The following ARHGEF10 variants were observed in gnomAD, a reference collection of about 807,000 sequenced individuals.
ARHGEF10 encodes Rho guanine nucleotide exchange factor (GEF) 10.
In ARHGEF10, 140 loss-of-function variants were observed where a neutral mutation model predicts 147.4. The ratio of observed to expected loss-of-function variants is 0.95; its 90% CI spans 0.83 to 1.09. The LOEUF (loss-of-function observed/expected upper bound fraction) is 1.09, where lower values mean the gene tolerates loss of function less well. Ranked by LOEUF, ARHGEF10 falls within the 50% of genes least tolerant of loss-of-function variation. The pLI is 0.00. For missense variants in ARHGEF10, 2,222 were observed against 1,752.7 expected (o/e 1.27, Z -4.78); for synonymous variants, 902 against 695.8 (o/e 1.30, Z -4.67).
chr8:1,830,237 G>GCAGGTGGCTCATTTCCCGTGGGGCT (rs1563144687), intron 1 of ARHGEF10, among the ~76,000 whole-genome samples: 8 of 67,692 alleles, frequency 1.2e-4, no homozygotes, highest in Non-Finnish European at 3.2e-5. Context: ...GGCATGCGTG[G>GCAGGTGGCTCATTTCCCGTGGGGCT]CAGGCGGCTC....
Position 1,876,715 on chromosome 8 carries a change from G to C in ARHGEF10, c.824G>C (p.Arg275Pro). 1 of 1,614,170 alleles carries C rather than the reference G, an allele frequency of 6.2e-7. No homozygotes were observed. Among genetic ancestry groups the C allele is most frequent in the Non-Finnish European group, 8.5e-7 (1 of 1,180,032 alleles). The change falls in exon 8 of 29, where the codon CGC (arginine) becomes CCC (proline). Residue 275 changes from arginine to proline, a missense_variant. Transcript: ENST00000349830. ...CKNGIPRSFL[R>P]SNHKKQLSHD... ...AATGGGATTCCCAGGTCCTTCCTGC[G>C]CAGCAACCACAAAAAGCAAGTACGT...
At chr8:1,827,179 C>G (rs1367538383) in intron 1 of ARHGEF10, among the ~76,000 whole-genome samples, 1 of 152,230 alleles carries the variant, frequency 6.6e-6, no homozygotes, top group African/African-American at 2.4e-5. Flanking sequence ...AGCCCCCACG[C>G]TGATACACAC....
At chr8:1,907,547 C>T (rs772601002) in intron 17 of ARHGEF10, among the ~76,000 whole-genome samples, 3 of 152,232 alleles carry the variant, frequency 2.0e-5, no homozygotes, top group Non-Finnish European at 4.4e-5. Flanking sequence ...ACCCCTCAGG[C>T]TGCTGTTGGG....
chr8:1,954,541 A>G (rs1815324471), intron 28 of ARHGEF10, among the ~76,000 whole-genome samples: 1 of 152,196 alleles, frequency 6.6e-6, no homozygotes, highest in South Asian at 2.1e-4. Flanking sequence ...CTGTAAATAC[A>G]TAGAATTGTG....
Position 1,956,795 on chromosome 8 carries a change from C to T in ARHGEF10, c.3567C>T (p.Phe1189=). 1 of 1,614,098 alleles carries T rather than the reference C, an allele frequency of 6.2e-7. No homozygotes were observed. The highest frequency in any genetic ancestry group is 8.5e-7 in the Non-Finnish European group (1 of 1,180,038). Residue 1189 remains phenylalanine (F), a synonymous_variant, in exon 29 of 29, where the codon TTC becomes TTT. Coordinates refer to ENST00000349830, the MANE Select transcript of ARHGEF10 (RefSeq NM_014629.4). ...SYHAHNSPVK[F]IVLATALHEK... is the part of the protein sequence containing the mutation. Reference sequence around the variant, plus strand: ...ATGCACACAACAGTCCTGTCAAATTCATCGTCCTGGCCACGGCTCTGCACG... The same window carrying T: ...ATGCACACAACAGTCCTGTCAAATTTATCGTCCTGGCCACGGCTCTGCACG...
At chr8:1,881,465 C>T (rs529950501) in intron 9 of ARHGEF10, among the ~76,000 whole-genome samples, 76 of 152,218 alleles carry the variant, frequency 5.0e-4, no homozygotes, top group African/African-American at 1.7e-3. Flanking sequence ...GGGCTGTCTG[C>T]GGCATCGGGC....
At chr8:1,911,601 G>T (rs961964838) in intron 18 of ARHGEF10, among the ~76,000 whole-genome samples, 1 of 152,216 alleles carries the variant, frequency 6.6e-6, no homozygotes, top group Non-Finnish European at 1.5e-5. Context: ...CACCGTGCTT[G>T]GTGCTGGGAC....
chr8:1,882,600 G>T, intron 9 of ARHGEF10, 35 bp from the exon 10 acceptor site: 15 of 1,527,450 alleles, frequency 9.8e-6, no homozygotes, highest in Non-Finnish European at 1.2e-5. Flanking sequence ...GGGTTCTGCC[G>T]CCGTCCCGTT....
intron 1 of ARHGEF10, among the ~76,000 whole-genome samples, chr8:1,829,294 G>T (rs1040166879): frequency 6.6e-6 from 1 of 152,280 alleles, no homozygotes; most frequent in Non-Finnish European, 1.5e-5. Flanking sequence ...GGAATGCGGT[G>T]GGTCTTCCTG....
intron 10 of ARHGEF10, among the ~76,000 whole-genome samples, chr8:1,883,892 C>G (rs1192300455): frequency 6.6e-6 from 1 of 152,102 alleles, no homozygotes; most frequent in Non-Finnish European, 1.5e-5. Flanking sequence ...CCAACTGGAG[C>G]CCAGATTCCA....
intron 1 of ARHGEF10, among the ~76,000 whole-genome samples, chr8:1,840,884 G>T (rs1321280821): frequency 8.5e-5 from 13 of 152,246 alleles, no homozygotes; most frequent in African/African-American, 3.1e-4. Context: ...GAGAGGGTGG[G>T]CCCCTACCGC....
rs144663694 is a variant in ARHGEF10 at position 1,876,680 on chromosome 8, G to C, written c.789G>C (p.Ser263=). The C allele has an allele frequency of 3.5e-5, 57 of 1,614,096 alleles. No homozygotes were observed. The highest frequency in any genetic ancestry group is 2.2e-4 in the Admixed American group (13 of 60,002). ...EFESYEEQSD[S]ECKNGIPRSF... Reference sequence around the variant, plus strand: ...AAAGTTACGAAGAGCAGAGTGACTCGGAGTGCAAGAATGGGATTCCCAGGT... The same window carrying C: ...AAAGTTACGAAGAGCAGAGTGACTCCGAGTGCAAGAATGGGATTCCCAGGT... The change falls in exon 8 of 29, where the codon TCG becomes TCC. Residue 263 remains serine, a synonymous_variant. Coordinates refer to ENST00000349830, the MANE Select transcript of ARHGEF10 (RefSeq NM_014629.4).
chr8:1,928,669 G>A lies in ARHGEF10; in HGVS notation c.2921+19G>A, dbSNP rs148386025. The stretch of plus-strand genomic sequence containing the variant: ...AGGGAAGGTAGGGCATGCTCACTGC[G>A]TTACAGAGAATTAGCAAGCTCTGCC... On this transcript the variant is annotated intron_variant, in intron 24 of 28. Transcript: ENST00000349830. The A allele has an allele frequency of 9.1e-4, 1,463 of 1,612,858 alleles. 13 individuals are homozygous for A. In the African/African-American group the frequency reaches 0.016, roughly 17 times the overall value.
At position 1,909,472 on chromosome 8, in the gene ARHGEF10, T is replaced by A; in HGVS notation, c.2143+2T>A. 1 of 1,613,898 alleles carries A rather than the reference T, an allele frequency of 6.2e-7. No homozygotes were observed. Among genetic ancestry groups the A allele is most frequent in the South Asian group, 1.1e-5 (1 of 91,084 alleles). On this transcript the variant is annotated splice_donor_variant, in intron 18 of 28. Coordinates refer to ENST00000349830, the MANE Select transcript of ARHGEF10 (RefSeq NM_014629.4). LOFTEE classifies it high-confidence loss of function. The stretch of plus-strand genomic sequence containing the variant: ...CCGTGGTTGCTAACGCGAAACCAAG[T>A]AAGTGATGCTTTCTCTCACGTTCGT...
chr8:1,944,322 C>A (rs931208447), intron 26 of ARHGEF10, among the ~76,000 whole-genome samples: 1 of 151,510 alleles, frequency 6.6e-6, no homozygotes, highest in East Asian at 1.9e-4. Flanking sequence ...AGCTCTCAGG[C>A]CCTGCAGCGC....
In ARHGEF10 at chr8:1,945,570, G is replaced by T. The variant is rs1230112237; in HGVS notation, c.3312G>T (p.Gly1104=). The change falls in exon 27 of 29, where the codon GGG becomes GGT. Residue 1104 remains glycine (G), a synonymous_variant. Transcript: ENST00000349830. ...GGATCTGGATTGCCTTCACCTCAGGGTCCACGCTCCGCCTTTTTCACACGG... is the reference window on the plus strand; with the variant it reads ...GGATCTGGATTGCCTTCACCTCAGGTTCCACGCTCCGCCTTTTTCACACGG... ...GVGIWIAFTS[G]STLRLFHTET... is the part of the protein sequence containing the mutation. 2 of 1,614,120 alleles carry T rather than the reference G, an allele frequency of 1.2e-6. No individual in the cohort carries two copies. The highest frequency in any genetic ancestry group is 1.7e-6 in the Non-Finnish European group (2 of 1,180,046).
chr8:1,946,834 G>A (rs1341611867), intron 27 of ARHGEF10, among the ~76,000 whole-genome samples: 3 of 152,180 alleles, frequency 2.0e-5, no homozygotes, highest in Admixed American at 2.0e-4. Context: ...CGGGGCCTCC[G>A]TGTCCCCGCC....
intron 15 of ARHGEF10, among the ~76,000 whole-genome samples, chr8:1,900,981 C>T (rs1258449848): frequency 6.6e-6 from 1 of 151,988 alleles, no homozygotes; most frequent in Non-Finnish European, 1.5e-5. Context: ...CCCTCAGGGA[C>T]ACTTTTTGCC....
rs530518296 is a variant in ARHGEF10 at position 1,948,234 on chromosome 8, C to G, written c.3397+2579C>G. On this transcript the variant is annotated intron_variant, in intron 27 of 28. Coordinates refer to ENST00000349830, the MANE Select transcript of ARHGEF10 (RefSeq NM_014629.4). The surrounding 1 kb of genome is among the most constrained non-coding windows in gnomAD (Gnocchi z 4.9). Reference sequence around the variant, plus strand: ...GCCCCTCCAACATCCTGGGCTGGCTCTCCATGGCCACAGTGCGTGCTCTCA... The same window carrying G: ...GCCCCTCCAACATCCTGGGCTGGCTGTCCATGGCCACAGTGCGTGCTCTCA... 6.6e-6 allele frequency among the ~76,000 whole-genome samples: 1 copy of G among 152,278 alleles called. No individual in the cohort carries two copies. Among genetic ancestry groups the G allele is most frequent in the Non-Finnish European group, 1.5e-5 (1 of 68,016 alleles).
Sources: gnomAD v4.1 joint callset for allele counts (sites outside exome capture counted in the v4.1 genomes callset) on GRCh38, gnomAD v4.1.1 for gene constraint, Gnocchi (gnomAD v3.1) non-coding constraint, MANE v1.5 for transcripts, NCBI Gene and HGNC (gene_info 2026-07-23, HGNC 2026-07-21) for gene names.